Variants in ZNF230 observed in about 807,000 individuals in gnomAD.
ZNF230 encodes zinc finger protein FDZF2.
Under a neutral mutation model 10.0 loss-of-function variants are expected in ZNF230, and 12 were observed. That is an observed-to-expected ratio of 1.20 (90% CI 0.77 to 1.95). The LOEUF (loss-of-function observed/expected upper bound fraction) is 1.95. Among genes scored for constraint, ZNF230 ranks in the 30% most tolerant of loss-of-function variants. ZNF230 has a pLI of 0.00. For missense variants in ZNF230, 532 were observed against 565.8 expected (o/e 0.94, Z 0.61); for synonymous variants, 174 against 193.6 (o/e 0.90, Z 0.84).
chr19:44,008,540 G>C (rs535445871), intron 2 of ZNF230, among the ~76,000 whole-genome samples: 3 of 152,278 alleles, frequency 2.0e-5, no homozygotes, highest in African/African-American at 7.2e-5. Flanking sequence ...TGTAGCCCAG[G>C]ATGCACCATT....
At chr19:44,005,862 AT>A (rs1568496706) in intron 1 of ZNF230, among the ~76,000 whole-genome samples, 1 of 152,128 alleles carries the variant, frequency 6.6e-6, no homozygotes, top group Non-Finnish European at 1.5e-5. Flanking sequence ...GCACTCCAGC[AT>A]GGGTGACAGA....
chr19:44,009,740 C>G (rs56985355), intron 4 of ZNF230, among the ~76,000 whole-genome samples: 4,074 of 152,246 alleles, frequency 0.027, 156 homozygotes, highest in African/African-American at 0.078. Flanking sequence ...CCAGAGTGAT[C>G]CAGAGTTGGC....
rs369859504 is a variant in ZNF230 at position 44,010,306 on chromosome 19, C to T, written c.267C>T (p.Asp89=). Residue 89 remains aspartate, a synonymous_variant, in exon 5 of 5, where the codon GAC becomes GAT. Coordinates refer to ENST00000429154, the MANE Select transcript of ZNF230 (RefSeq NM_006300.4). ...KTIAEAGPHE[D]CPCQQIWEQT... ...TTGCGGAAGCAGGACCACATGAAGACTGCCCTTGCCAGCAAATCTGGGAAC... is the reference window on the plus strand; with the variant it reads ...TTGCGGAAGCAGGACCACATGAAGATTGCCCTTGCCAGCAAATCTGGGAAC... 8 of 1,613,082 alleles carry T rather than the reference C, an allele frequency of 5.0e-6. No homozygotes were observed. In the African/African-American group the frequency reaches 9.3e-5, roughly 19 times the overall value.
chr19:44,008,015 G>A (rs1376627124), intron 2 of ZNF230, among the ~76,000 whole-genome samples: 2 of 152,188 alleles, frequency 1.3e-5, no homozygotes, highest in African/African-American at 4.8e-5. Context: ...GACAACAGAA[G>A]CCTATGATCC....
At position 44,013,499 on chromosome 19, in the gene ZNF230, A is replaced by G. The variant is rs2147429207; in HGVS notation, c.*2035A>G. ...GATGTTAAAACTGTGAAAAGTAGAA[A>G]ACCACATGGATGATATCACCCCATT... On this transcript the variant is annotated 3_prime_UTR_variant, in exon 5 of 5. Coordinates refer to ENST00000429154, the MANE Select transcript of ZNF230 (RefSeq NM_006300.4). 1 of 152,352 alleles carries G rather than the reference A, an allele frequency of 6.6e-6. No homozygotes were observed. Among genetic ancestry groups the G allele is most frequent in the African/African-American group, 2.4e-5 (1 of 41,578 alleles). 9.4% of individuals were successfully genotyped at this position (152,352 alleles called of 1,614,324 possible). A position where few individuals can be genotyped will look rare whatever the true frequency, so the allele number is the denominator to read the frequency against.
chr19:44,012,234 G>C lies in ZNF230; in HGVS notation c.*770G>C, dbSNP rs1976193477. 4.7e-5 allele frequency: 17 copies of C among 365,476 alleles called. No homozygotes were observed. The highest frequency in any genetic ancestry group is 3.5e-4 in the South Asian group (17 of 48,852). The allele number at this position is 365,476 out of a possible 1,614,324, so 22.6% of individuals were successfully genotyped here. ...CAACTGCACCAGAGTGTCCACGTTG[G>C]ACAGAATCCTTAGTAATGAGGTGTG... On this transcript the variant is annotated 3_prime_UTR_variant, in exon 5 of 5. Transcript: ENST00000429154.
rs776093783 is a variant in ZNF230, at chr19:44,010,815, G to A, written c.776G>A (p.Arg259Lys). 2 of 1,614,192 alleles carry A rather than the reference G, an allele frequency of 1.2e-6. No individual in the cohort carries two copies. Among genetic ancestry groups the A allele is most frequent in the Admixed American group, 3.3e-5 (2 of 60,032 alleles). Residue 259 changes from arginine (R) to lysine (K), a missense_variant, in exon 5 of 5, where the codon AGG becomes AAG. Transcript: ENST00000429154. ...CCTTATATTTGTGAGAAATGTGGGAGGGCCTTCATTCACGATTTCCAGCTT... is the reference window on the plus strand; with the variant it reads ...CCTTATATTTGTGAGAAATGTGGGAAGGCCTTCATTCACGATTTCCAGCTT... Reference protein sequence around the residue: ...EKPYICEKCGRAFIHDFQLQK... With the variant: ...EKPYICEKCGKAFIHDFQLQK...
chr19:44,004,574 A>T (rs1976103427), intron 1 of ZNF230: 1 of 151,810 alleles, frequency 6.6e-6, no homozygotes, highest in East Asian at 2.0e-4. Flanking sequence ...TCTACCAAAA[A>T]TACAAATATT....
At chr19:44,008,664 A>G in intron 2 of ZNF230, 126 bp from the exon 3 acceptor site, 1 of 1,222,070 alleles carries the variant, frequency 8.2e-7, no homozygotes. Context: ...CACTGTCAGG[A>G]TACAGACAGA....
chr19:44,004,796 C>T (rs1186204859), intron 1 of ZNF230: 2 of 151,142 alleles, frequency 1.3e-5, no homozygotes, highest in Non-Finnish European at 2.9e-5. Flanking sequence ...TTATTATTCC[C>T]ATTATCCTTA....
In ZNF230 at chr19:44,011,123, A is replaced by C. The variant is rs1175744582; in HGVS notation, c.1084A>C (p.Lys362Gln). Residue 362 changes from lysine (K) to glutamine (Q), a missense_variant, in exon 5 of 5, where the codon AAA becomes CAA. Transcript: ENST00000429154. ...CCATCAGCGAATCCACAGTGGAGAAAAACCATACAGATGTGAGGAGTGTGG... is the reference window on the plus strand; with the variant it reads ...CCATCAGCGAATCCACAGTGGAGAACAACCATACAGATGTGAGGAGTGTGG... ...LIHQRIHSGE[K>Q]PYRCEECGKG... 2 of 1,614,228 alleles carry C rather than the reference A, an allele frequency of 1.2e-6. No individual in the cohort carries two copies. Among genetic ancestry groups the C allele is most frequent in the South Asian group, 2.2e-5 (2 of 91,088 alleles).
Position 44,011,428 on chromosome 19 carries a change from G to A in ZNF230, c.1389G>A (p.Leu463=). The A allele has an allele frequency of 6.3e-7, 1 of 1,597,432 alleles. No homozygotes were observed. Among genetic ancestry groups the A allele is most frequent in the Non-Finnish European group, 8.5e-7 (1 of 1,174,446 alleles). ...CGKRYKRRLN[L]DIILSLFLND... ...AGCGCTACAAGAGGCGCTTGAATCT[G>A]GATATAATTTTATCATTATTTTTAA... Residue 463 remains leucine (L), a synonymous_variant, in exon 5 of 5, where the codon CTG becomes CTA. Coordinates refer to ENST00000429154, the MANE Select transcript of ZNF230 (RefSeq NM_006300.4).
intron 1 of ZNF230, chr19:44,006,689 C>T (rs73554158): frequency 0.025 from 4,053 of 161,682 alleles, 152 homozygotes; most frequent in African/African-American, 0.077. Context: ...TTTGCCTATT[C>T]GGACATTTCA....
intron 1 of ZNF230, chr19:44,003,637 G>T: frequency 5.1e-6 from 1 of 195,836 alleles, no homozygotes; most frequent in East Asian, 1.2e-4. Context: ...AACTTTTATG[G>T]GGGACCGCGA....
chr19:44,004,725 C>CAAAAAAAAAAAAAAAAA (rs754318339), intron 1 of ZNF230: 1 of 63,066 alleles, frequency 1.6e-5, no homozygotes, highest in African/African-American at 5.9e-5. Context: ...GAGTGAGACT[C>CAAAAAAAAAAAAAAAAA]AAAAAAAAAA....
At chr19:44,004,942 C>T (rs976594014) in intron 1 of ZNF230, among the ~76,000 whole-genome samples, 1 of 151,074 alleles carries the variant, frequency 6.6e-6, no homozygotes, top group African/African-American at 2.4e-5. Context: ...ATGGTGAAAC[C>T]CCATCTCTAC....
rs755083028 is a variant in ZNF230 at position 44,010,480 on chromosome 19, G to T, written c.441G>T (p.Gln147His). The T allele has an allele frequency of 5.0e-6, 8 of 1,614,254 alleles. No individual in the cohort carries two copies. The highest frequency in any genetic ancestry group is 6.8e-6 in the Non-Finnish European group (8 of 1,180,040). Reference protein sequence around the residue: ...QKPSQNGKCKQSFSDVAIFDP... With the variant: ...QKPSQNGKCKHSFSDVAIFDP... ...CTTCACAGAATGGGAAGTGTAAACA[G>T]TCCTTCAGTGATGTTGCCATCTTTG... The change falls in exon 5 of 5, where the codon CAG becomes CAT. Residue 147 changes from glutamine to histidine, a missense_variant. Gln to His is a conservative substitution (Grantham distance 24). Coordinates refer to ENST00000429154, the MANE Select transcript of ZNF230 (RefSeq NM_006300.4).
intron 1 of ZNF230, chr19:44,004,109 C>G (rs921103490): frequency 6.6e-6 from 1 of 152,194 alleles, no homozygotes; most frequent in Non-Finnish European, 1.5e-5. Context: ...ACGTTGAGAG[C>G]AAGGCTCGTG....
Position 44,011,518 on chromosome 19 carries a change from G to T in ZNF230, c.*54G>T, listed in dbSNP as rs769493382. Reference sequence around the variant, plus strand: ...AAATTTTAATATGTGTATATAATACGTAATGATCAAATTGATGTAATTAGT... The same window carrying T: ...AAATTTTAATATGTGTATATAATACTTAATGATCAAATTGATGTAATTAGT... On this transcript the variant is annotated 3_prime_UTR_variant, in exon 5 of 5. Transcript: ENST00000429154. 12 of 1,445,714 alleles carry T rather than the reference G, an allele frequency of 8.3e-6. No individual in the cohort carries two copies. In the African/African-American group the frequency reaches 1.4e-4, roughly 17 times the overall value. 89.6% of individuals were successfully genotyped at this position (1,445,714 alleles called of 1,614,324 possible).
Sources: gnomAD v4.1 joint callset for allele counts (sites outside exome capture counted in the v4.1 genomes callset) on GRCh38, gnomAD v4.1.1 for gene constraint, MANE v1.5 for transcripts, NCBI Gene and HGNC (gene_info 2026-07-23, HGNC 2026-07-21) for gene names.